The following PDE4D variants were observed in gnomAD, a reference collection of about 807,000 sequenced individuals.
The protein encoded by PDE4D is phosphodiesterase 4D, also known as 3',5'-cyclic-AMP phosphodiesterase 4D.
Under a neutral mutation model 87.4 loss-of-function variants are expected in PDE4D, and 24 were observed. The observed-to-expected ratio is 0.27, with a 90% confidence interval of 0.20 to 0.39. The LOEUF (loss-of-function observed/expected upper bound fraction) is 0.39, where lower values mean the gene tolerates loss of function less well. PDE4D is among the 10% of genes least tolerant of loss of function. The pLI is 1.00. For missense variants in PDE4D, 714 were observed against 1,041.0 expected (o/e 0.69, Z 4.32); for synonymous variants, 384 against 383.2 (o/e 1.00, Z -0.02).
At chr5:59,663,716 C>A (rs6891000) in intron 1 of PDE4D, among the ~76,000 whole-genome samples, 10,962 of 152,090 alleles carry the variant, frequency 0.072, 1,221 homozygotes, top group African/African-American at 0.24. Flanking sequence ...TATGCAGCAG[C>A]GGGATCTATT....
chr5:59,093,168 G>A (rs1420362021), intron 5 of PDE4D, among the ~76,000 whole-genome samples: 1 of 152,140 alleles, frequency 6.6e-6, no homozygotes, highest in Middle Eastern at 3.2e-3. Flanking sequence ...AAGAGAAAGT[G>A]GACTAATGTG....
At chr5:59,731,364 AG>A (rs1757338512) in intron 1 of PDE4D, among the ~76,000 whole-genome samples, 1 of 152,060 alleles carries the variant, frequency 6.6e-6, no homozygotes, top group South Asian at 2.1e-4. Flanking sequence ...TGAGATGACA[AG>A]CACAGGACAG....
chr5:60,401,783 G>T (rs2150047682), intron 1 of PDE4D, among the ~76,000 whole-genome samples: 1 of 152,280 alleles, frequency 6.6e-6, no homozygotes, highest in Non-Finnish European at 1.5e-5. Context: ...ACAGAACATT[G>T]AAATGGTTCC....
chr5:59,987,560 C>T lies in PDE4D; in HGVS notation c.272+928G>A, dbSNP rs1039711993. 6 of 152,164 alleles carry T rather than the reference C, an allele frequency of 3.9e-5. No homozygotes were observed. The East Asian group carries it at 9.6e-4, about 24-fold the overall frequency. 9.4% of individuals were successfully genotyped at this position (152,164 alleles called of 1,614,324 possible). ...CTGAGCACAACCTTCCTAACTTTAACAAGATCCAAAAGACATTTTCCCCAG... is the reference window on the plus strand; with the variant it reads ...CTGAGCACAACCTTCCTAACTTTAATAAGATCCAAAAGACATTTTCCCCAG... On this transcript the variant is annotated intron_variant, in intron 3 of 16. Transcript: ENST00000502484.
At chr5:60,433,179 C>T (rs1406613609) in intron 1 of PDE4D, among the ~76,000 whole-genome samples, 1 of 152,090 alleles carries the variant, frequency 6.6e-6, no homozygotes, top group Non-Finnish European at 1.5e-5. Context: ...ACAAATTGTG[C>T]ATCTGGCAAA....
At chr5:59,176,094 GC>G (rs1783842809) in intron 5 of PDE4D, among the ~76,000 whole-genome samples, 1 of 152,130 alleles carries the variant, frequency 6.6e-6, no homozygotes, top group South Asian at 2.1e-4. Context: ...ACACTAAAGA[GC>G]AAAAGAGCTA....
intron 1 of PDE4D, among the ~76,000 whole-genome samples, chr5:59,473,083 GAAAAAAA>G (rs10573988): frequency 1.4e-4 from 13 of 92,112 alleles, no homozygotes; most frequent in East Asian, 7.0e-4. Context: ...GCTTTCTCAT[GAAAAAAA>G]AAAAAAAAAA....
intron 1 of PDE4D, among the ~76,000 whole-genome samples, chr5:59,348,071 G>A (rs542041317): frequency 3.3e-5 from 5 of 152,126 alleles, no homozygotes; most frequent in East Asian, 3.9e-4. Context: ...AGCAGAGACC[G>A]CATCCATTTT....
chr5:60,245,082 A>C (rs936476637), intron 1 of PDE4D, among the ~76,000 whole-genome samples: 1 of 151,918 alleles, frequency 6.6e-6, no homozygotes, highest in African/African-American at 2.4e-5. Context: ...TATAAGGAGC[A>C]CAAACAACAC....
intron 1 of PDE4D, among the ~76,000 whole-genome samples, chr5:60,423,911 C>T (rs368056231): frequency 2.0e-5 from 3 of 152,172 alleles, no homozygotes; most frequent in Admixed American, 1.3e-4. Flanking sequence ...ATAAACACCT[C>T]TACACAAATA....
At chr5:59,958,983 T>C (rs894913255) in intron 3 of PDE4D, among the ~76,000 whole-genome samples, 3 of 152,092 alleles carry the variant, frequency 2.0e-5, no homozygotes, top group African/African-American at 7.2e-5. Context: ...TGATAATGAC[T>C]TCAGTAAAGT....
intron 1 of PDE4D, among the ~76,000 whole-genome samples, chr5:59,822,399 T>C (rs1304347510): frequency 6.6e-6 from 1 of 152,172 alleles, no homozygotes; most frequent in African/African-American, 2.4e-5. Context: ...TCACTTTGTA[T>C]TGGAGGTAAT....
chr5:59,957,273 C>T (rs1340779522), intron 3 of PDE4D, among the ~76,000 whole-genome samples: 3 of 151,812 alleles, frequency 2.0e-5, no homozygotes, highest in South Asian at 2.1e-4. Context: ...CTTTTGAATA[C>T]TGAGTGTTGT....
chr5:59,675,738 G>A (rs1012785317), intron 1 of PDE4D, among the ~76,000 whole-genome samples: 2 of 150,830 alleles, frequency 1.3e-5, no homozygotes, highest in Admixed American at 6.6e-5. Context: ...CACCCAGGCT[G>A]GAGTGCAGTG....
chr5:59,426,020 C>T (rs1307305458), intron 1 of PDE4D, among the ~76,000 whole-genome samples: 2 of 152,066 alleles, frequency 1.3e-5, no homozygotes, highest in African/African-American at 4.8e-5. Flanking sequence ...GGGCCTTAAT[C>T]CAGTCTGACT....
intron 1 of PDE4D, among the ~76,000 whole-genome samples, chr5:60,207,668 C>T (rs964288975): frequency 3.9e-5 from 6 of 152,186 alleles, no homozygotes; most frequent in African/African-American, 1.2e-4. Context: ...ATATAGTAAA[C>T]ATTCTCTCCC....
At chr5:60,422,479 C>T (rs1743212684) in intron 1 of PDE4D, among the ~76,000 whole-genome samples, 2 of 152,170 alleles carry the variant, frequency 1.3e-5, no homozygotes, top group Admixed American at 1.3e-4. Flanking sequence ...AAATCCTTTA[C>T]AGACAAGCAA....
chr5:59,755,288 C>A (rs1362650123), intron 1 of PDE4D, among the ~76,000 whole-genome samples: 1 of 152,122 alleles, frequency 6.6e-6, no homozygotes, highest in Non-Finnish European at 1.5e-5. Flanking sequence ...AAACTTGAAT[C>A]TATTTTGCCT....
At chr5:60,108,908 T>C (rs1003781227) in intron 2 of PDE4D, among the ~76,000 whole-genome samples, 2 of 152,082 alleles carry the variant, frequency 1.3e-5, no homozygotes, top group Admixed American at 6.5e-5. Context: ...ATAAAAACCC[T>C]AGAAGAAAAC....
Sources: gnomAD v4.1 joint callset for allele counts (sites outside exome capture counted in the v4.1 genomes callset) on GRCh38, gnomAD v4.1.1 for gene constraint, MANE v1.5 for transcripts, NCBI Gene and HGNC (gene_info 2026-07-23, HGNC 2026-07-21) for gene names.